Variants in NCS1 observed in about 807,000 individuals in gnomAD.
NCS1 encodes neuronal calcium sensor 1, also known as frequenin homolog.
NCS1 carries 6 observed loss-of-function variants against 28.4 expected under a neutral mutation model. The observed-to-expected ratio is 0.21, with a 90% CI of 0.12 to 0.42. The LOEUF (loss-of-function observed/expected upper bound fraction) is 0.42, where lower values mean the gene tolerates loss of function less well. NCS1 is among the 10% of genes least tolerant of loss of function. NCS1 has a pLI of 1.00. For missense variants in NCS1, 131 were observed against 241.4 expected, an observed-to-expected ratio of 0.54 and a Z score of 3.03; for synonymous variants, 86 against 99.3, an observed-to-expected ratio of 0.87 and a Z score of 0.79.
At position 130,226,886 on chromosome 9, in the gene NCS1, G is replaced by C. The variant is rs1418790177; in HGVS notation, c.*17+382G>C. Among the ~76,000 whole-genome samples, 1 of 151,890 alleles carries C rather than the reference G, an allele frequency of 6.6e-6. No individual in the cohort carries two copies. Among genetic ancestry groups the C allele is most frequent in the Non-Finnish European group, 1.5e-5 (1 of 67,952 alleles). On this transcript the variant is annotated intron_variant, in intron 7 of 7. Transcript: ENST00000372398. This position sits in a 1 kb window ranked among gnomAD's most constrained non-coding sequence, Gnocchi z 4.8. ...CTAAAAATACAAAAATCAGGCGGGC[G>C]TGGTGGTGCGCACCTAGTCTCAGCT...
At chr9:130,188,037 G>A (rs1004663656) in intron 1 of NCS1, among the ~76,000 whole-genome samples, 8 of 152,216 alleles carry the variant, frequency 5.3e-5, no homozygotes, top group South Asian at 4.1e-4. Flanking sequence ...TGGCCTGCTC[G>A]GCCTCTTGCA....
intron 2 of NCS1, among the ~76,000 whole-genome samples, chr9:130,203,568 A>G (rs1832986216): frequency 6.6e-6 from 1 of 152,120 alleles, no homozygotes; most frequent in Non-Finnish European, 1.5e-5. Context: ...GCTGTCCCCC[A>G]CGCCCATTGC....
chr9:130,213,248 G>A (rs1238073932), intron 2 of NCS1, among the ~76,000 whole-genome samples: 1 of 152,162 alleles, frequency 6.6e-6, no homozygotes, highest in Non-Finnish European at 1.5e-5. Flanking sequence ...CATACACAGA[G>A]GGTGGGAGCA....
At chr9:130,205,242 A>T (rs1833007996) in intron 2 of NCS1, among the ~76,000 whole-genome samples, 1 of 152,118 alleles carries the variant, frequency 6.6e-6, no homozygotes, top group South Asian at 2.1e-4. Context: ...GGAGGGGGAC[A>T]CGAGCCTGGC....
rs1833514694 is a variant in NCS1 at position 130,232,785 on chromosome 9, C to CA, written c.*18-197dup. 2.0e-5 allele frequency among the ~76,000 whole-genome samples: 3 copies of CA among 149,508 alleles called. No individual in the cohort carries two copies. The highest frequency in any genetic ancestry group is 2.1e-4 in the South Asian group (1 of 4,756). On this transcript the variant is annotated intron_variant, in intron 7 of 7. Coordinates refer to ENST00000372398, the MANE Select transcript of NCS1 (RefSeq NM_014286.4). This position sits in a 1 kb window ranked among gnomAD's most constrained non-coding sequence, Gnocchi z 4.4. ...CAGGTGACAGAGCAAGACTCCAACT[C>CA]AAAAAAAAGCAAACAAAAAAAAACC...
chr9:130,203,136 A>T (rs75171615), intron 2 of NCS1, among the ~76,000 whole-genome samples: 4,816 of 108,412 alleles, frequency 0.044, 139 homozygotes, highest in Middle Eastern at 0.067. Flanking sequence ...ATATATATAT[A>T]TTTTTTTTTT....
At chr9:130,183,955 G>A (rs904798753) in intron 1 of NCS1, among the ~76,000 whole-genome samples, 8 of 151,530 alleles carry the variant, frequency 5.3e-5, no homozygotes, top group South Asian at 2.1e-4. Context: ...GACCACAGGC[G>A]CCCGCCACCA....
chr9:130,181,344 C>T lies in NCS1; in HGVS notation c.64+8617C>T, dbSNP rs888387238. Among the ~76,000 whole-genome samples the T allele has an allele frequency of 6.6e-6, 1 of 152,182 alleles. No homozygotes were observed. On this transcript the variant is annotated intron_variant, in intron 1 of 7. Coordinates refer to ENST00000372398, the MANE Select transcript of NCS1 (RefSeq NM_014286.4). This position sits in a 1 kb window ranked among gnomAD's most constrained non-coding sequence, Gnocchi z 5.0. ...TTGAACTTGGCGGCTCATCTCGGCC[C>T]TCCTTTTGCTCCTGGTGGTGGTGGA...
At chr9:130,231,389 AT>A (rs1833499909) in intron 7 of NCS1, among the ~76,000 whole-genome samples, 1 of 151,378 alleles carries the variant, frequency 6.6e-6, no homozygotes, top group Non-Finnish European at 1.5e-5. Flanking sequence ...TTTTTTATGT[AT>A]TTATTTTTTT....
chr9:130,173,208 G>GT (rs1163378784), intron 1 of NCS1, among the ~76,000 whole-genome samples: 39 of 151,968 alleles, frequency 2.6e-4, no homozygotes, highest in African/African-American at 8.9e-4. Context: ...GTGGGGGGGG[G>GT]GGTGGCGAGA....
intron 4 of NCS1, among the ~76,000 whole-genome samples, chr9:130,222,302 C>T (rs1019331251): frequency 5.9e-5 from 9 of 151,494 alleles, no homozygotes; most frequent in Non-Finnish European, 7.4e-5. Context: ...CTACAGGCAC[C>T]GCCACCAGGC....
intron 1 of NCS1, among the ~76,000 whole-genome samples, chr9:130,183,115 G>A (rs1554905289): frequency 6.6e-6 from 1 of 152,234 alleles, no homozygotes; most frequent in African/African-American, 2.4e-5. Context: ...GACAGGACCT[G>A]CCTGTGCTCC....
At chr9:130,203,046 A>ATG (rs113946626) in intron 2 of NCS1, among the ~76,000 whole-genome samples, 6,091 of 142,660 alleles carry the variant, frequency 0.043, 161 homozygotes, top group African/African-American at 0.065. Flanking sequence ...CAGGGTAAAT[A>ATG]TGTGTGTGTG....
intron 1 of NCS1, among the ~76,000 whole-genome samples, chr9:130,193,253 CA>C (rs1354568111): frequency 1.3e-5 from 2 of 152,150 alleles, no homozygotes; most frequent in Admixed American, 6.5e-5. Context: ...TGAGGAGGGG[CA>C]GGGGTGAGGC....
rs1833211725 is a variant in NCS1 at position 130,217,944 on chromosome 9, G to C, written c.202G>C (p.Val68Leu). The change falls in exon 3 of 8, where the codon GTT (valine) becomes CTT (leucine). Residue 68 changes from valine to leucine, a missense_variant. By Grantham distance (32) the Val-to-Leu change is conservative. Transcript: ENST00000372398. ...FGDPTKFATF[V>L]FNVFDENKDG... ...AGACCCCACCAAGTTTGCCACATTT[G>C]TTTTCAACGTCTTTGATGAAAACAA... 6.2e-7 allele frequency: 1 copy of C among 1,614,058 alleles called. No individual in the cohort carries two copies. Among genetic ancestry groups the C allele is most frequent in the South Asian group, 1.1e-5 (1 of 91,084 alleles).
intron 2 of NCS1, among the ~76,000 whole-genome samples, chr9:130,212,036 G>A (rs1158870195): frequency 1.3e-5 from 2 of 152,166 alleles, no homozygotes; most frequent in Non-Finnish European, 2.9e-5. Flanking sequence ...GGCAGACCAT[G>A]TGGAAGACAT....
chr9:130,226,276 C>A lies in NCS1; in HGVS notation c.475-113C>A. ...TGCTTGTAGGCCCTGAGCCACGTTG[C>A]CTCCCTCCTGATCTAACCTTGGAAG... is the stretch of plus-strand genomic sequence containing the variant. On this transcript the variant is annotated intron_variant, in intron 6 of 7. Coordinates refer to ENST00000372398, the MANE Select transcript of NCS1 (RefSeq NM_014286.4). The surrounding 1 kb of genome is among the most constrained non-coding windows in gnomAD (Gnocchi z 4.8). The A allele has an allele frequency of 1.2e-6, 1 of 867,186 alleles. No homozygotes were observed. The highest frequency in any genetic ancestry group is 1.9e-6 in the Non-Finnish European group (1 of 532,040). The allele number at this position is 867,186 out of a possible 1,614,324, so 53.7% of individuals were successfully genotyped here.
chr9:130,230,525 A>G (rs1833487100), intron 7 of NCS1, among the ~76,000 whole-genome samples: 1 of 151,952 alleles, frequency 6.6e-6, no homozygotes, highest in Non-Finnish European at 1.5e-5. Context: ...CCTAGGCAAC[A>G]TAGAGAGACT....
chr9:130,204,021 C>A (rs1052557305), intron 2 of NCS1, among the ~76,000 whole-genome samples: 1 of 152,106 alleles, frequency 6.6e-6, no homozygotes, highest in South Asian at 2.1e-4. Flanking sequence ...GAGACAGAGT[C>A]TCGCCTTGTT....
Sources: allele counts gnomAD v4.1 joint callset (sites outside exome capture counted in the v4.1 genomes callset), GRCh38; gene constraint gnomAD v4.1.1; non-coding constraint Gnocchi (gnomAD v3.1); transcripts MANE v1.5; gene names NCBI Gene and HGNC (gene_info 2026-07-23, HGNC 2026-07-21).